Variants in STAT5B observed in about 807,000 individuals in gnomAD.
STAT5B encodes signal transducer and activator of transcription 5B.
A neutral mutation model predicts 107.8 loss-of-function variants in STAT5B; 21 were observed. That is an observed-to-expected ratio of 0.19 (90% confidence interval 0.14 to 0.28). STAT5B has a LOEUF of 0.28. STAT5B is among the 10% of genes least tolerant of loss of function. The probability of loss-of-function intolerance (pLI) is 1.00; values close to 1 mark genes in which losing one functional copy is unlikely to be tolerated. For missense variants in STAT5B, 565 were observed against 1,008.2 expected, an observed-to-expected ratio of 0.56 and a Z score of 5.95; for synonymous variants, 325 against 401.7, an observed-to-expected ratio of 0.81 and a Z score of 2.28.
chr17:42,227,659 T>A lies in STAT5B; in HGVS notation c.155A>T (p.Gln52Leu), dbSNP rs139130762. 12 of 1,614,006 alleles carry A rather than the reference T, an allele frequency of 7.4e-6. No individual in the cohort carries two copies. ...GAGCTGGGTGGCCTTAATGTTCTCCTGTGGATTATCAAGATCTACTGAGTC... is the reference window on the plus strand; with the variant it reads ...GAGCTGGGTGGCCTTAATGTTCTCCAGTGGATTATCAAGATCTACTGAGTC... ...AWDSVDLDNPQENIKATQLLE... is the reference protein window; with the variant it reads ...AWDSVDLDNPLENIKATQLLE... Residue 52 changes from glutamine (Q) to leucine (L), a missense_variant, in exon 3 of 19, where the codon CAG (glutamine) becomes CTG (leucine). Around this residue, in one of 11 missense-constraint regions of STAT5B, gnomAD observed 83 missense variants for 145.1 expected, o/e 0.57. Coordinates refer to ENST00000293328, the MANE Select transcript of STAT5B (RefSeq NM_012448.4).
intron 1 of STAT5B, among the ~76,000 whole-genome samples, chr17:42,254,872 C>T (rs2080529336): frequency 1.3e-5 from 2 of 152,174 alleles, no homozygotes; most frequent in African/African-American, 4.8e-5. Flanking sequence ...GCAGGCGGAT[C>T]ACGAGGTCAG....
chr17:42,235,772 G>A (rs1360087758), intron 1 of STAT5B, among the ~76,000 whole-genome samples: 10 of 152,120 alleles, frequency 6.6e-5, no homozygotes, highest in Admixed American at 5.9e-4. Flanking sequence ...CACCACGCTC[G>A]GCCAGGAGCA....
chr17:42,262,224 G>C (rs1018545106), intron 1 of STAT5B, among the ~76,000 whole-genome samples: 1 of 151,660 alleles, frequency 6.6e-6, no homozygotes, highest in Non-Finnish European at 1.5e-5. Flanking sequence ...ACAGTGGAGC[G>C]ATCACAGCTC....
intron 12 of STAT5B, among the ~76,000 whole-genome samples, chr17:42,215,424 A>G (rs1446907497): frequency 6.6e-6 from 1 of 152,186 alleles, no homozygotes; most frequent in African/African-American, 2.4e-5. Flanking sequence ...GTAGAGCAAG[A>G]GTATCCCTGT....
At chr17:42,205,510 A>G (rs2080078006) in intron 16 of STAT5B, among the ~76,000 whole-genome samples, 1 of 152,160 alleles carries the variant, frequency 6.6e-6, no homozygotes, top group African/African-American at 2.4e-5. Flanking sequence ...CTTTCCAGAC[A>G]TGGCCATTCT....
Position 42,209,099 on chromosome 17 carries a change from A to G in STAT5B, c.1906+1072T>C, listed in dbSNP as rs2080108896. 2.0e-5 allele frequency among the ~76,000 whole-genome samples: 3 copies of G among 149,544 alleles called. No homozygotes were observed. In the Admixed American group the frequency reaches 2.0e-4, roughly 10 times the overall value. On this transcript the variant is annotated intron_variant, in intron 15 of 18. Transcript: ENST00000293328. ...GCCCAGGCTGGAGTACAGTGATGTG[A>G]TCATGACTCACTGTAACCTTGAACT...
chr17:42,236,010 ATT>A, intron 1 of STAT5B, among the ~76,000 whole-genome samples: 1 of 152,156 alleles, frequency 6.6e-6, no homozygotes, highest in Admixed American at 6.6e-5. Flanking sequence ...TAAATTTTAG[ATT>A]ATTTCTTAGT....
intron 1 of STAT5B, among the ~76,000 whole-genome samples, chr17:42,236,443 T>C (rs1307004269): frequency 1.3e-5 from 2 of 152,150 alleles, no homozygotes; most frequent in Non-Finnish European, 2.9e-5. Context: ...TAGTGGTTTT[T>C]TGTTTGTTTG....
In STAT5B at chr17:42,201,563, C is replaced by T. The variant is rs1204936389; in HGVS notation, c.*175G>A. On this transcript the variant is annotated 3_prime_UTR_variant, in exon 19 of 19. Coordinates refer to ENST00000293328, the MANE Select transcript of STAT5B (RefSeq NM_012448.4). Reference sequence around the variant, plus strand: ...ACACACACACACACACAAACACATACTCGCACTCCCTTCGCTGGTGCCACC... The same window carrying T: ...ACACACACACACACACAAACACATATTCGCACTCCCTTCGCTGGTGCCACC... 3.4e-5 allele frequency: 23 copies of T among 682,272 alleles called. No individual in the cohort carries two copies. In the Admixed American group the frequency reaches 4.3e-4, roughly 13 times the overall value. 42.3% of individuals were successfully genotyped at this position (682,272 alleles called of 1,614,324 possible).
chr17:42,212,459 C>T (rs996285284), intron 12 of STAT5B, among the ~76,000 whole-genome samples: 1 of 152,196 alleles, frequency 6.6e-6, no homozygotes, highest in Non-Finnish European at 1.5e-5. Flanking sequence ...ATCCTATGTT[C>T]TAACGGCCAC....
At chr17:42,214,235 C>T (rs1171848781) in intron 12 of STAT5B, 2 of 984,752 alleles carry the variant, frequency 2.0e-6, no homozygotes, top group Non-Finnish European at 2.4e-6. Context: ...AGACAAGATA[C>T]TTGAGTAATT....
chr17:42,262,963 T>G (rs1455192711), intron 1 of STAT5B, among the ~76,000 whole-genome samples: 1 of 53,298 alleles, frequency 1.9e-5, no homozygotes, highest in African/African-American at 9.4e-5. Flanking sequence ...TGTGTGTGTG[T>G]GTGTGTGTAT....
chr17:42,259,658 G>A (rs1440474200), intron 1 of STAT5B, among the ~76,000 whole-genome samples: 2 of 151,938 alleles, frequency 1.3e-5, no homozygotes, highest in African/African-American at 2.4e-5. Context: ...GTGGTGGCAG[G>A]TGCCTGTAAT....
At position 42,218,221 on chromosome 17, in the gene STAT5B, G is replaced by T. The variant is rs779416144; in HGVS notation, c.1099C>A (p.Pro367Thr). The part of the protein sequence containing the change: ...GGKLNVHMNP[P>T]QVKATIISEQ... Reference sequence around the variant, plus strand: ...CTGATGATGGTGGCCTTCACCTGGGGGGGGTTCATGTGCACGTTCAGCTTC... The same window carrying T: ...CTGATGATGGTGGCCTTCACCTGGGTGGGGTTCATGTGCACGTTCAGCTTC... The change falls in exon 9 of 19, where the codon CCC (proline) becomes ACC (threonine). Residue 367 changes from proline to threonine, a missense_variant. This residue lies in a region of STAT5B where 70 missense variants were observed against 73.2 expected (regional missense o/e 0.96). Coordinates refer to ENST00000293328, the MANE Select transcript of STAT5B (RefSeq NM_012448.4). 6.2e-7 allele frequency: 1 copy of T among 1,614,218 alleles called. No homozygotes were observed. Among genetic ancestry groups the T allele is most frequent in the Non-Finnish European group, 8.5e-7 (1 of 1,180,042 alleles).
chr17:42,276,671 A>G (rs1474697616), upstream of STAT5B: 1 of 151,626 alleles, frequency 6.6e-6, no homozygotes. The surrounding 1 kb of genome is among the most constrained non-coding windows in gnomAD (Gnocchi z 4.8). Flanking sequence ...TCGGCTCCCT[A>G]GCCGACGCCG....
chr17:42,239,301 T>A (rs913279929), intron 1 of STAT5B, among the ~76,000 whole-genome samples: 4 of 148,308 alleles, frequency 2.7e-5, no homozygotes, highest in African/African-American at 7.5e-5. Flanking sequence ...TTCCTTCTAA[T>A]ATGTTGTTGA....
chr17:42,225,347 G>C (rs571615993), intron 3 of STAT5B, among the ~76,000 whole-genome samples: 1 of 152,094 alleles, frequency 6.6e-6, no homozygotes, highest in African/African-American at 2.4e-5. Flanking sequence ...ATCTTAATTT[G>C]CCTAAAGTAT....
the STAT5B span, among the ~76,000 whole-genome samples, chr17:42,281,880 G>A: frequency 1.3e-5 from 2 of 152,234 alleles, no homozygotes; most frequent in South Asian, 2.1e-4. Flanking sequence ...GGACGCAGAG[G>A]AGGGAGCAGA....
intron 1 of STAT5B, among the ~76,000 whole-genome samples, chr17:42,233,297 A>G (rs1008300847): frequency 1.3e-5 from 2 of 152,202 alleles, no homozygotes; most frequent in African/African-American, 2.4e-5. Context: ...CTAAGCAGCA[A>G]TGCTTTGCAC....
Sources: gnomAD v4.1 joint callset for allele counts (sites outside exome capture counted in the v4.1 genomes callset) on GRCh38, gnomAD v4.1.1 for gene constraint, gnomAD v4.1.1 regional missense constraint, Gnocchi (gnomAD v3.1) non-coding constraint, MANE v1.5 for transcripts, NCBI Gene and HGNC (gene_info 2026-07-23, HGNC 2026-07-21) for gene names.